The following ZNF345 variants were observed in gnomAD, a reference collection of about 807,000 sequenced individuals.
ZNF345 encodes the protein zinc finger protein HZF10.
For synonymous variants in ZNF345, 166 were observed against 187.9 expected, an observed-to-expected ratio of 0.88 and a Z score of 0.95; for missense variants, 527 against 589.9, an observed-to-expected ratio of 0.89 and a Z score of 1.10.
intron 2 of ZNF345, among the ~76,000 whole-genome samples, chr19:36,853,245 C>CTTT (rs902150512): frequency 3.1e-4 from 33 of 106,530 alleles, no homozygotes; most frequent in African/African-American, 4.0e-4. Context: ...TTCTTTCTTT[C>CTTT]TTTTTTTTTT....
intron 2 of ZNF345, among the ~76,000 whole-genome samples, chr19:36,873,294 G>A (rs2072806961): frequency 1.3e-5 from 2 of 151,812 alleles, no homozygotes; most frequent in South Asian, 2.1e-4. Context: ...AGTTGCTTTG[G>A]TTGCTTTGTT....
chr19:36,892,288 T>C (rs868646364), intron 3 of ZNF345: 1 of 1,613,892 alleles, frequency 6.2e-7, no homozygotes. Context: ...AAATTGTGAG[T>C]TTTGATTAAA....
At position 36,856,765 on chromosome 19, in the gene ZNF345, G is replaced by A. The variant is rs139724550; in HGVS notation, c.-47+4861G>A. Among the ~76,000 whole-genome samples, 1,170 of 151,676 alleles carry A rather than the reference G, an allele frequency of 7.7e-3. 19 individuals carry two copies. Among genetic ancestry groups the A allele is most frequent in the African/African-American group, 0.026 (1,091 of 41,364 alleles). The stretch of plus-strand genomic sequence containing the variant: ...CAGCTACCTGGGAGGCAGGAGAATC[G>A]CTGGAACCCGGGAGGCAGAGACTGC... On this transcript the variant is annotated intron_variant, in intron 2 of 2. Coordinates refer to ENST00000420450, the MANE Select transcript of ZNF345 (RefSeq NM_001242472.2).
chr19:36,877,837 A>G lies in ZNF345; in HGVS notation c.1007A>G (p.His336Arg). The stretch of plus-strand genomic sequence containing the variant: ...AAACTTATTCAGCATCAAAGAATGC[A>G]TACTGGAGAGAAACCTTATGAATGT... The part of the protein sequence containing the change: ...GSKLIQHQRM[H>R]TGEKPYECKE... The change falls in exon 3 of 3, where the codon CAT (histidine) becomes CGT (arginine). Residue 336 changes from histidine to arginine, a missense_variant. Transcript: ENST00000420450. The G allele has an allele frequency of 6.2e-7, 1 of 1,614,070 alleles. No homozygotes were observed. The highest frequency in any genetic ancestry group is 8.5e-7 in the Non-Finnish European group (1 of 1,179,960).
In ZNF345 at chr19:36,877,177, A is replaced by G; in HGVS notation, c.347A>G (p.Lys116Arg). 6.2e-7 allele frequency: 1 copy of G among 1,614,146 alleles called. No homozygotes were observed. Among genetic ancestry groups the G allele is most frequent in the Non-Finnish European group, 8.5e-7 (1 of 1,180,024 alleles). ...CATCAAAGAATTCATACTGGTGAGA[A>G]GCCTTTTGAATGTAAAGAATGTGGG... ...AYHQRIHTGE[K>R]PFECKECGKA... Residue 116 changes from lysine to arginine, a missense_variant, in exon 3 of 3, where the codon AAG becomes AGG. Coordinates refer to ENST00000420450, the MANE Select transcript of ZNF345 (RefSeq NM_001242472.2).
intron 2 of ZNF345, among the ~76,000 whole-genome samples, chr19:36,869,940 GACTA>G (rs1325257456): frequency 7.2e-5 from 11 of 152,056 alleles, no homozygotes; most frequent in African/African-American, 1.9e-4. Flanking sequence ...CACCATGCCT[GACTA>G]ACTGTTTTGT....
intron 2 of ZNF345, among the ~76,000 whole-genome samples, chr19:36,860,433 A>G (rs1011210146): frequency 3.3e-5 from 5 of 152,124 alleles, no homozygotes; most frequent in Non-Finnish European, 7.4e-5. Context: ...CTCCTCATCT[A>G]TCCAGGATCC....
chr19:36,860,769 A>G (rs1209444358), intron 2 of ZNF345, among the ~76,000 whole-genome samples: 1 of 152,204 alleles, frequency 6.6e-6, no homozygotes, highest in African/African-American at 2.4e-5. Flanking sequence ...ATGTTTCTCC[A>G]CTGTAATATT....
In ZNF345 at chr19:36,892,075, G is replaced by C. The variant is rs753508299; in HGVS notation, c.47-743G>C. ...TTTTCCACATTCCTTACATTCATAG[G>C]GTTTCTCACCAGTGTGAATCCTCTG... On this transcript the variant is annotated intron_variant, in intron 3 of 3. Coordinates refer to the ZNF345 transcript ENST00000526123. 4 of 1,614,002 alleles carry C rather than the reference G, an allele frequency of 2.5e-6. No individual in the cohort carries two copies. The Admixed American group carries it at 5.0e-5, about 20-fold the overall frequency.
intron 2 of ZNF345, among the ~76,000 whole-genome samples, chr19:36,874,594 A>G (rs1279120138): frequency 6.6e-6 from 1 of 151,852 alleles, no homozygotes; most frequent in Non-Finnish European, 1.5e-5. Flanking sequence ...CAGCCTGACC[A>G]ACATAGAGAA....
At chr19:36,865,478 A>G (rs2072639251) in intron 2 of ZNF345, among the ~76,000 whole-genome samples, 1 of 152,122 alleles carries the variant, frequency 6.6e-6, no homozygotes, top group African/African-American at 2.4e-5. Flanking sequence ...ATTTATTGAT[A>G]GAGACAGAGT....
chr19:36,881,716 G>A (rs1266725740), downstream of ZNF345, among the ~76,000 whole-genome samples: 2 of 152,076 alleles, frequency 1.3e-5, no homozygotes, highest in Non-Finnish European at 2.9e-5. Flanking sequence ...AAAGTAACAT[G>A]AAATCTTAAG....
downstream of ZNF345, among the ~76,000 whole-genome samples, chr19:36,880,103 G>C (rs1167763399): frequency 6.6e-6 from 1 of 152,040 alleles, no homozygotes; most frequent in Non-Finnish European, 1.5e-5. Context: ...GGCCAAGGTG[G>C]GTGGATCACT....
At chr19:36,853,742 A>G (rs4806365) in intron 2 of ZNF345, among the ~76,000 whole-genome samples, 42,916 of 151,948 alleles carry the variant, frequency 0.28, 6,523 homozygotes, top group East Asian at 0.59. Flanking sequence ...GTCTATGTCT[A>G]TTTCTGGATT....
intron 3 of ZNF345, among the ~76,000 whole-genome samples, chr19:36,887,941 A>G (rs1177792565): frequency 6.6e-6 from 1 of 152,220 alleles, no homozygotes; most frequent in East Asian, 1.9e-4. Flanking sequence ...TGTACAGGAA[A>G]AACTGTAAAT....
intron 2 of ZNF345, among the ~76,000 whole-genome samples, chr19:36,853,095 C>G (rs2072321454): frequency 6.6e-6 from 1 of 151,938 alleles, no homozygotes; most frequent in Admixed American, 6.6e-5. Flanking sequence ...ACTTTTCACT[C>G]TATGTGGTGC....
chr19:36,853,314 T>C (rs1409766320), intron 2 of ZNF345, among the ~76,000 whole-genome samples: 1 of 150,654 alleles, frequency 6.6e-6, no homozygotes, highest in Non-Finnish European at 1.5e-5. Context: ...AATGGCATGA[T>C]CTCGGCTCAC....
chr19:36,855,477 A>ATTTTTTTGGATG, intron 2 of ZNF345, among the ~76,000 whole-genome samples: 1 of 94,472 alleles, frequency 1.1e-5, no homozygotes, highest in African/African-American at 4.2e-5. Flanking sequence ...TTTTTTAAAC[A>ATTTTTTTGGATG]GAGTTTCGAT....
At position 36,877,089 on chromosome 19, in the gene ZNF345, G is replaced by A. The variant is rs990814245; in HGVS notation, c.259G>A (p.Glu87Lys). 4 of 1,614,166 alleles carry A rather than the reference G, an allele frequency of 2.5e-6. No homozygotes were observed. Among genetic ancestry groups the A allele is most frequent in the Non-Finnish European group, 3.4e-6 (4 of 1,180,024 alleles). ...TCGACATCAGCGAATTCATACTGGT[G>A]AGAAACCTTATGAATGCAAAGAATG... The part of the protein sequence containing the change: ...LVRHQRIHTG[E>K]KPYECKECGK... The change falls in exon 3 of 3, where the codon GAG (glutamate) becomes AAG (lysine). Residue 87 changes from glutamate to lysine, a missense_variant. Transcript: ENST00000420450.
Sources: allele counts gnomAD v4.1 joint callset (sites outside exome capture counted in the v4.1 genomes callset), GRCh38; gene constraint gnomAD v4.1.1; transcripts MANE v1.5; gene names NCBI Gene and HGNC (gene_info 2026-07-23, HGNC 2026-07-21).